The following SPADH variants were observed in gnomAD, a reference collection of about 807,000 sequenced individuals.
SPADH encodes CUB domain-containing protein.
At chr10:122,675,189 A>G in the SPADH span, among the ~76,000 whole-genome samples, 1 of 152,240 alleles carries the variant, frequency 6.6e-6, no homozygotes, top group Non-Finnish European at 1.5e-5. Flanking sequence ...TGTTTATATC[A>G]GAGTTAAGGT....
chr10:122,678,937 A>G, the SPADH span: 2 of 984,048 alleles, frequency 2.0e-6, no homozygotes, highest in African/African-American at 3.5e-5. Context: ...CCTTCAGTAC[A>G]TTCTATTACT....
At chr10:122,673,625 G>A in the SPADH span, among the ~76,000 whole-genome samples, 3 of 152,134 alleles carry the variant, frequency 2.0e-5, no homozygotes, top group South Asian at 2.1e-4. Flanking sequence ...AGATGTCTTC[G>A]TCTCTATGTC....
the SPADH span, chr10:122,676,735 G>T: frequency 1.0e-6 from 1 of 985,240 alleles, no homozygotes; most frequent in African/African-American, 1.7e-5. Flanking sequence ...CAGTGCCTGG[G>T]CCCCGTTTCT....
chr10:122,676,411 G>C, the SPADH span, among the ~76,000 whole-genome samples: 1,964 of 152,320 alleles, frequency 0.013, 13 homozygotes, highest in Non-Finnish European at 0.02. Context: ...CCTAAGAAAA[G>C]ATCTGTAGGG....
the SPADH span, among the ~76,000 whole-genome samples, chr10:122,675,456 C>T: frequency 1.9e-3 from 291 of 152,306 alleles, no homozygotes; most frequent in Middle Eastern, 3.4e-3. Flanking sequence ...TAACCCAGGG[C>T]TGTTCCCATA....
At chr10:122,678,791 C>A in the SPADH span, 1 of 489,352 alleles carries the variant, frequency 2.0e-6, no homozygotes, top group Non-Finnish European at 2.7e-6. Context: ...AGGGAGGTGG[C>A]AGCCTGGCTG....
chr10:122,678,786 G>C, the SPADH span: 1 of 383,766 alleles, frequency 2.6e-6, no homozygotes, highest in Non-Finnish European at 3.6e-6. Flanking sequence ...GGTGGAGGGA[G>C]GTGGCAGCCT....
chr10:122,676,513 C>G, the SPADH span, among the ~76,000 whole-genome samples: 2 of 152,204 alleles, frequency 1.3e-5, no homozygotes, highest in Non-Finnish European at 2.9e-5. Flanking sequence ...TTAAGTTCCT[C>G]TATTTCCCAC....
At chr10:122,678,035 T>C in the SPADH span, among the ~76,000 whole-genome samples, 1 of 152,182 alleles carries the variant, frequency 6.6e-6, no homozygotes, top group Admixed American at 6.5e-5. Flanking sequence ...TGATTGTCCT[T>C]GGCACCAAGG....
the SPADH span, among the ~76,000 whole-genome samples, chr10:122,673,291 G>A: frequency 6.6e-6 from 1 of 152,170 alleles, no homozygotes; most frequent in African/African-American, 2.4e-5. Context: ...CTTTCCAGGT[G>A]GTCTGACGGC....
the SPADH span, among the ~76,000 whole-genome samples, chr10:122,676,254 A>G: frequency 0.014 from 2,110 of 152,208 alleles, 42 homozygotes; most frequent in African/African-American, 0.049. Flanking sequence ...ACATTTGACC[A>G]CTCAAGGAAA....
chr10:122,673,331 T>C, the SPADH span, among the ~76,000 whole-genome samples: 2 of 152,318 alleles, frequency 1.3e-5, no homozygotes, highest in Admixed American at 1.3e-4. Flanking sequence ...GTGCCCTGCA[T>C]TGAATGTGTC....
the SPADH span, among the ~76,000 whole-genome samples, chr10:122,678,629 G>C: frequency 3.9e-4 from 59 of 152,292 alleles, no homozygotes; most frequent in South Asian, 2.1e-3. Context: ...TGCTGCCCTG[G>C]TGGAGGTGAA....
At chr10:122,675,965 A>G in the SPADH span, among the ~76,000 whole-genome samples, 1 of 152,136 alleles carries the variant, frequency 6.6e-6, no homozygotes, top group Non-Finnish European at 1.5e-5. Context: ...ACCACTCCAC[A>G]GAGCCTGTGT....
At chr10:122,678,896 G>A in the SPADH span, 1 of 984,146 alleles carries the variant, frequency 1.0e-6, no homozygotes, top group Admixed American at 6.2e-5. Context: ...TGGACCTCCA[G>A]GGTCTGAGTC....
chr10:122,672,938 G>A, the SPADH span: 4 of 985,376 alleles, frequency 4.1e-6, no homozygotes, highest in Non-Finnish European at 4.8e-6. Flanking sequence ...GTAACGCATG[G>A]CCCCAGGCCC....
chr10:122,675,206 C>T, the SPADH span, among the ~76,000 whole-genome samples: 1 of 152,158 alleles, frequency 6.6e-6, no homozygotes, highest in Non-Finnish European at 1.5e-5. Context: ...AGGTAGCTGA[C>T]TTTTATTTTT....
the SPADH span, among the ~76,000 whole-genome samples, chr10:122,675,015 T>C: frequency 0.092 from 14,043 of 152,266 alleles, 678 homozygotes; most frequent in Middle Eastern, 0.12. Flanking sequence ...TATGAGATTG[T>C]GTGCAGGGCT....
the SPADH span, among the ~76,000 whole-genome samples, chr10:122,674,212 C>T: frequency 6.6e-6 from 1 of 152,200 alleles, no homozygotes; most frequent in Non-Finnish European, 1.5e-5. Context: ...GCTGTAGAAT[C>T]GGGGTGCCTC....
Sources: gnomAD v4.1 joint callset for allele counts (sites outside exome capture counted in the v4.1 genomes callset) on GRCh38, gnomAD v4.1.1 for gene constraint, MANE v1.5 for transcripts, NCBI Gene and HGNC (gene_info 2026-07-23, HGNC 2026-07-21) for gene names.